DNAI4: variants seen among roughly 807,000 people sequenced by gnomAD.
DNAI4 encodes WD repeat domain 78.
A neutral mutation model predicts 105.8 loss-of-function variants in DNAI4; 85 were observed. The observed-to-expected ratio is 0.80, with a 90% CI of 0.67 to 0.96. DNAI4 has a LOEUF of 0.96. DNAI4 is among the 40% of genes least tolerant of loss of function. DNAI4 has a pLI of 0.00. For synonymous variants in DNAI4, 352 were observed against 331.5 expected (o/e 1.06, Z -0.67); for missense variants, 1,014 against 1,005.6 (o/e 1.01, Z -0.11).
intron 4 of DNAI4, among the ~76,000 whole-genome samples, chr1:66,880,654 AT>A (rs1647050596): frequency 6.6e-6 from 1 of 152,232 alleles, no homozygotes; most frequent in African/African-American, 2.4e-5. Context: ...ATTCAGTTTT[AT>A]AAGGGAAGCA....
At chr1:66,840,993 G>T (rs1295720822) in intron 8 of DNAI4, among the ~76,000 whole-genome samples, 2 of 152,170 alleles carry the variant, frequency 1.3e-5, no homozygotes. Context: ...TGTTGTAAAA[G>T]GTGCCAGGTA....
Position 66,867,898 on chromosome 1 carries a change from C to G in DNAI4, c.940+3472G>C, listed in dbSNP as rs114820819. 9.3e-3 allele frequency among the ~76,000 whole-genome samples: 1,415 copies of G among 152,256 alleles called. 19 individuals carry two copies. Among genetic ancestry groups the G allele is most frequent in the African/African-American group, 0.032 (1,325 of 41,538 alleles). On this transcript the variant is annotated intron_variant, in intron 6 of 16. Coordinates refer to ENST00000371026, the MANE Select transcript of DNAI4 (RefSeq NM_024763.5). ...TCTGGTTCTTATATTTAATAGATCA[C>G]AGCAATTATTATCTCTAGTGGTTCA...
chr1:66,862,116 T>C, intron 7 of DNAI4, 31 bp downstream of exon 7: 2 of 1,550,762 alleles, frequency 1.3e-6, no homozygotes, highest in Non-Finnish European at 1.7e-6. Context: ...GTTAAAGTCA[T>C]TCAAAAAAAC....
At chr1:66,919,360 T>C (rs1246734782) in intron 1 of DNAI4, among the ~76,000 whole-genome samples, 1 of 152,154 alleles carries the variant, frequency 6.6e-6, no homozygotes, top group Non-Finnish European at 1.5e-5. Flanking sequence ...CATTAACTCA[T>C]AAAACAGTTC....
chr1:66,845,434 C>A (rs1414422762), intron 8 of DNAI4, among the ~76,000 whole-genome samples: 1 of 152,118 alleles, frequency 6.6e-6, no homozygotes, highest in Non-Finnish European at 1.5e-5. Context: ...GGTATAACCA[C>A]TTTGGAAAAG....
chr1:66,835,600 C>T (rs571844820), intron 11 of DNAI4, 26 bp downstream of exon 11: 6 of 1,607,536 alleles, frequency 3.7e-6, no homozygotes, highest in African/African-American at 1.3e-5. Context: ...ATGTATTATA[C>T]ATTTATCTAA....
In DNAI4 at chr1:66,827,816, T is replaced by C. The variant is rs376135775; in HGVS notation, c.2108A>G (p.His703Arg). 18 of 1,555,878 alleles carry C rather than the reference T, an allele frequency of 1.2e-5. No individual in the cohort carries two copies. The highest frequency in any genetic ancestry group is 1.6e-5 in the Non-Finnish European group (18 of 1,144,370). Reference sequence around the variant, plus strand: ...ACCTACTATAATTAAACTAACCTTATGTCCTCTGTAGGTATCTAAGTATTG... The same window carrying C: ...ACCTACTATAATTAAACTAACCTTACGTCCTCTGTAGGTATCTAAGTATTG... The part of the protein sequence containing the change: ...NEQYLDTYRG[H>R]KGPVYKVTWN... Residue 703 changes from histidine to arginine, a missense_variant, in exon 14 of 17, where the codon CAT becomes CGT. Transcript: ENST00000371026.
intron 15 of DNAI4, among the ~76,000 whole-genome samples, chr1:66,825,507 G>A (rs1183371111): frequency 1.3e-5 from 2 of 152,158 alleles, no homozygotes; most frequent in African/African-American, 4.8e-5. Flanking sequence ...ACAGAATAAT[G>A]TTTTTATCCA....
intron 16 of DNAI4, among the ~76,000 whole-genome samples, chr1:66,816,750 CA>C (rs2100290621): frequency 6.6e-6 from 1 of 151,116 alleles, no homozygotes; most frequent in Non-Finnish European, 1.5e-5. Context: ...CACACACACA[CA>C]CACACACACA....
chr1:66,892,991 A>AAGAAAGAAGGAG (rs1553227521), intron 3 of DNAI4, among the ~76,000 whole-genome samples: 1 of 108,004 alleles, frequency 9.3e-6, no homozygotes, highest in Non-Finnish European at 2.0e-5. Flanking sequence ...GAAAGAAAGA[A>AAGAAAGAAGGAG]AGAAAGAGAG....
intron 4 of DNAI4, among the ~76,000 whole-genome samples, chr1:66,882,599 C>T (rs977223556): frequency 2.0e-5 from 3 of 151,782 alleles, no homozygotes; most frequent in Non-Finnish European, 4.4e-5. Context: ...CATTGAATTG[C>T]CTTTGTATTT....
chr1:66,915,196 A>G (rs1649977392), intron 1 of DNAI4, among the ~76,000 whole-genome samples: 1 of 152,242 alleles, frequency 6.6e-6, no homozygotes, highest in South Asian at 2.1e-4. Context: ...TTATTTAGTA[A>G]GATTACCATA....
At chr1:66,855,135 T>A (rs1646473429) in intron 7 of DNAI4, among the ~76,000 whole-genome samples, 1 of 152,180 alleles carries the variant, frequency 6.6e-6, no homozygotes, top group Admixed American at 6.5e-5. Context: ...CTTGCCCTAA[T>A]TACCCAGGGC....
chr1:66,924,708 T>G lies in DNAI4; in HGVS notation c.124A>C (p.Met42Leu). The G allele has an allele frequency of 6.2e-7, 1 of 1,614,210 alleles. No individual in the cohort carries two copies. The highest frequency in any genetic ancestry group is 1.3e-5 in the African/African-American group (1 of 75,058). The change falls in exon 1 of 17, where the codon ATG becomes CTG. Residue 42 changes from methionine to leucine, a missense_variant. Coordinates refer to ENST00000371026, the MANE Select transcript of DNAI4 (RefSeq NM_024763.5). The part of the protein sequence containing the change: ...WCTTPQLVAT[M>L]PVSPAGSHKQ... ...TGACTGCCTGCCGGAGAGACTGGCA[T>G]GGTGGCGACCAGCTGGGGAGTGGTG... is the stretch of plus-strand genomic sequence containing the variant.
At chr1:66,915,422 T>C (rs1184412622) in intron 1 of DNAI4, among the ~76,000 whole-genome samples, 1 of 152,230 alleles carries the variant, frequency 6.6e-6, no homozygotes, top group African/African-American at 2.4e-5. Flanking sequence ...GTCTCAGTTA[T>C]AATTTTGCAA....
intron 16 of DNAI4, among the ~76,000 whole-genome samples, chr1:66,816,598 AT>A (rs1484944098): frequency 6.6e-6 from 1 of 152,162 alleles, no homozygotes; most frequent in African/African-American, 2.4e-5. Context: ...CTCCCAAAAA[AT>A]ATAACCCTAA....
intron 5 of DNAI4, 58 bp from the exon 6 acceptor site, chr1:66,871,567 C>A: frequency 1.4e-6 from 2 of 1,419,496 alleles, no homozygotes; most frequent in South Asian, 1.6e-5. Flanking sequence ...CACGTATTAT[C>A]TCTTTATATT....
intron 1 of DNAI4, among the ~76,000 whole-genome samples, chr1:66,911,091 G>A (rs1358774432): frequency 6.6e-6 from 1 of 152,152 alleles, no homozygotes; most frequent in East Asian, 1.9e-4. Flanking sequence ...AATGGCAGTT[G>A]AAAAAATAGG....
chr1:66,895,629 A>G (rs1040084955), intron 2 of DNAI4, among the ~76,000 whole-genome samples: 1 of 152,128 alleles, frequency 6.6e-6, no homozygotes, highest in Non-Finnish European at 1.5e-5. Context: ...GTTGAATAAA[A>G]GGGGGCTCTT....
Sources: allele counts gnomAD v4.1 joint callset (sites outside exome capture counted in the v4.1 genomes callset), GRCh38; gene constraint gnomAD v4.1.1; transcripts MANE v1.5; gene names NCBI Gene and HGNC (gene_info 2026-07-23, HGNC 2026-07-21).